TPST1: variants seen among roughly 807,000 people sequenced by gnomAD.
The protein encoded by TPST1 is tyrosylprotein sulfotransferase 1.
Under a neutral mutation model 34.8 loss-of-function variants are expected in TPST1, and 20 were observed. The ratio of observed to expected loss-of-function variants is 0.57; its 90% confidence interval spans 0.40 to 0.84. The LOEUF (loss-of-function observed/expected upper bound fraction) is 0.84, where lower values mean the gene tolerates loss of function less well. Among genes scored for constraint, TPST1 ranks in the 40% least tolerant of loss-of-function variants. TPST1 has a pLI of 0.00. For missense variants in TPST1, 353 were observed against 455.5 expected (o/e 0.78, Z 2.05); for synonymous variants, 152 against 159.4 (o/e 0.95, Z 0.35).
chr7:66,262,790 G>A (rs896162758), intron 2 of TPST1, among the ~76,000 whole-genome samples: 2 of 152,132 alleles, frequency 1.3e-5, no homozygotes, highest in Non-Finnish European at 2.9e-5. Flanking sequence ...TGTGTGTTGG[G>A]AGATATTTTA....
intron 3 of TPST1, among the ~76,000 whole-genome samples, chr7:66,306,704 T>C (rs1274929989): frequency 6.6e-6 from 1 of 152,192 alleles, no homozygotes; most frequent in African/African-American, 2.4e-5. Context: ...TATAGTTTTT[T>C]GTTTTGTTTT....
At chr7:66,282,280 C>G (rs1188993407) in intron 2 of TPST1, among the ~76,000 whole-genome samples, 1 of 152,094 alleles carries the variant, frequency 6.6e-6, no homozygotes, top group East Asian at 1.9e-4. Flanking sequence ...TCCTTTTGAA[C>G]AAAAGTTGGC....
Position 66,263,537 on chromosome 7 carries a change from A to G in TPST1, c.845+22267A>G, listed in dbSNP as rs182561773. On this transcript the variant is annotated intron_variant, in intron 2 of 5. Coordinates refer to ENST00000304842, the MANE Select transcript of TPST1 (RefSeq NM_003596.4). ...CAAGCAAGCTACCGGTTTCAGAACC[A>G]TCTGGAACACTTAAAATTGCTCCTC... 2.3e-3 allele frequency among the ~76,000 whole-genome samples: 352 copies of G among 152,342 alleles called. 5 individuals carry two copies. Among genetic ancestry groups the G allele is most frequent in the East Asian group, 2.5e-3 (13 of 5,186 alleles).
At chr7:66,266,642 A>G (rs79252358) in intron 2 of TPST1, among the ~76,000 whole-genome samples, 2,950 of 152,368 alleles carry the variant, frequency 0.019, 66 homozygotes, top group East Asian at 0.093. Context: ...GTACCTATCA[A>G]CAGGGGGATG....
At chr7:66,255,233 C>T (rs1790361609) in intron 2 of TPST1, among the ~76,000 whole-genome samples, 1 of 151,106 alleles carries the variant, frequency 6.6e-6, no homozygotes, top group Non-Finnish European at 1.5e-5. Context: ...ACTTTTTGGT[C>T]ATCACAGTTG....
At chr7:66,225,729 A>G (rs1412964194) in intron 1 of TPST1, among the ~76,000 whole-genome samples, 4 of 152,262 alleles carry the variant, frequency 2.6e-5, no homozygotes, top group African/African-American at 9.6e-5. Context: ...AAGGGTAATG[A>G]TCAGGCCAGC....
chr7:66,207,619 C>G (rs187282477), intron 1 of TPST1, among the ~76,000 whole-genome samples: 2 of 152,162 alleles, frequency 1.3e-5, no homozygotes, highest in East Asian at 3.9e-4. Context: ...TTGTTCTTTT[C>G]TCTAATTTCC....
At chr7:66,327,951 T>G (rs1481320040) in intron 3 of TPST1, among the ~76,000 whole-genome samples, 1 of 151,438 alleles carries the variant, frequency 6.6e-6, no homozygotes, top group Non-Finnish European at 1.5e-5. Context: ...TATCATACAT[T>G]TTGTTTGTCT....
At chr7:66,305,108 C>A (rs978744608) in intron 3 of TPST1, among the ~76,000 whole-genome samples, 1 of 152,074 alleles carries the variant, frequency 6.6e-6, no homozygotes, top group Non-Finnish European at 1.5e-5. Context: ...CATGAACCAC[C>A]GTGCCCAGCC....
intron 3 of TPST1, among the ~76,000 whole-genome samples, chr7:66,350,301 T>C (rs1358647394): frequency 6.6e-6 from 1 of 152,114 alleles, no homozygotes; most frequent in Non-Finnish European, 1.5e-5. Flanking sequence ...AGGCATGAGC[T>C]ACCGCGCCCA....
intron 3 of TPST1, among the ~76,000 whole-genome samples, chr7:66,302,237 T>A (rs11767262): frequency 0.23 from 34,824 of 152,142 alleles, 4,174 homozygotes; most frequent in East Asian, 0.3. Context: ...TCAAATGAGA[T>A]TAAGGAAATT....
intron 1 of TPST1, among the ~76,000 whole-genome samples, chr7:66,234,731 C>T (rs1238157087): frequency 1.3e-5 from 2 of 152,104 alleles, no homozygotes; most frequent in Non-Finnish European, 2.9e-5. Context: ...GGTCGGAGTG[C>T]GGTGGCAGGA....
chr7:66,318,303 C>CT (rs1562842393), intron 3 of TPST1, among the ~76,000 whole-genome samples: 1 of 151,984 alleles, frequency 6.6e-6, no homozygotes. Context: ...TATTTAAGTT[C>CT]TTTTTTTAAC....
chr7:66,217,358 T>C (rs1294163115), intron 1 of TPST1, among the ~76,000 whole-genome samples: 1 of 152,194 alleles, frequency 6.6e-6, no homozygotes, highest in Non-Finnish European at 1.5e-5. Flanking sequence ...CTTCATGTAT[T>C]TTAGGGCTCT....
At chr7:66,345,248 G>T (rs1792322147) in intron 3 of TPST1, among the ~76,000 whole-genome samples, 1 of 151,222 alleles carries the variant, frequency 6.6e-6, no homozygotes, top group South Asian at 2.1e-4. Flanking sequence ...TGTAATCCCA[G>T]CATTTTGGGA....
At chr7:66,285,100 ACT>A (rs1791009250) in intron 2 of TPST1, among the ~76,000 whole-genome samples, 1 of 151,948 alleles carries the variant, frequency 6.6e-6, no homozygotes, top group Non-Finnish European at 1.5e-5. Flanking sequence ...GACATACAAG[ACT>A]CTATGTGTGA....
chr7:66,200,805 C>T (rs1389163550), upstream of TPST1, among the ~76,000 whole-genome samples: 3 of 152,138 alleles, frequency 2.0e-5, no homozygotes, highest in Non-Finnish European at 2.9e-5. Flanking sequence ...CCGCTCACCG[C>T]AGCCTCCACA....
intron 3 of TPST1, among the ~76,000 whole-genome samples, chr7:66,320,223 C>T (rs1791721636): frequency 1.4e-5 from 2 of 145,654 alleles, no homozygotes; most frequent in African/African-American, 5.0e-5. Flanking sequence ...TGTCTGGTTT[C>T]TTTCTTTCTT....
intron 3 of TPST1, among the ~76,000 whole-genome samples, chr7:66,331,580 C>G (rs1436347445): frequency 1.3e-5 from 2 of 151,564 alleles, no homozygotes; most frequent in African/African-American, 4.8e-5. Context: ...AAATAAATTA[C>G]TGATCATTAT....
Sources: allele counts gnomAD v4.1 joint callset (sites outside exome capture counted in the v4.1 genomes callset), GRCh38; gene constraint gnomAD v4.1.1; transcripts MANE v1.5; gene names NCBI Gene and HGNC (gene_info 2026-07-23, HGNC 2026-07-21).